The following GPHN variants were observed in gnomAD, a reference collection of about 807,000 sequenced individuals.
GPHN encodes gephyrin.
A neutral mutation model predicts 95.5 loss-of-function variants in GPHN; 17 were observed. The observed-to-expected ratio is 0.18, with a 90% confidence interval of 0.12 to 0.27. GPHN has a LOEUF of 0.27. Among genes scored for constraint, GPHN ranks in the 10% least tolerant of loss-of-function variants. GPHN has a pLI of 1.00. For missense variants in GPHN, 660 were observed against 978.1 expected (o/e 0.67, Z 4.34); for synonymous variants, 320 against 322.5 (o/e 0.99, Z 0.08).
At chr14:66,982,738 C>T (rs1040154832) in intron 9 of GPHN, among the ~76,000 whole-genome samples, 5 of 152,134 alleles carry the variant, frequency 3.3e-5, no homozygotes, top group Non-Finnish European at 7.4e-5. Context: ...CAATTATTTA[C>T]ATTCAATTCT....
intron 16 of GPHN, among the ~76,000 whole-genome samples, chr14:67,118,693 A>C (rs2078836966): frequency 6.6e-6 from 1 of 151,786 alleles, no homozygotes. Flanking sequence ...GCATCACTGC[A>C]CTCACTACAG....
Position 66,924,257 on chromosome 14 carries a change from C to G in GPHN, c.793C>G (p.Leu265Val), listed in dbSNP as rs1430992559. The change falls in exon 8 of 23, where the codon CTC (leucine) becomes GTC (valine). Residue 265 changes from leucine to valine, a missense_variant. By Grantham distance (32) the Leu-to-Val change is conservative (BLOSUM62 1). This residue lies in a region of GPHN where 190 missense variants were observed against 224.7 expected (regional missense o/e 0.85). Transcript: ENST00000478722. ...ACACGGTGAACAGCCCATCCCTGGT[C>G]TCATCAATTATTCCCATCATTCAAC... ...MAHGEQPIPG[L>V]INYSHHSTDE... 1 of 1,610,438 alleles carries G rather than the reference C, an allele frequency of 6.2e-7. No individual in the cohort carries two copies. The highest frequency in any genetic ancestry group is 8.5e-7 in the Non-Finnish European group (1 of 1,176,634).
the GPHN span, among the ~76,000 whole-genome samples, chr14:67,362,182 G>A: frequency 1.3e-5 from 2 of 151,792 alleles, no homozygotes; most frequent in South Asian, 4.2e-4. Context: ...ACCACACCCA[G>A]CTAATTTTGG....
intron 1 of GPHN, among the ~76,000 whole-genome samples, chr14:66,672,523 CAG>C (rs573221220): frequency 6.6e-6 from 1 of 152,228 alleles, no homozygotes; most frequent in South Asian, 2.1e-4. Context: ...CCAACTGTAA[CAG>C]GGGTTTCATC....
chr14:67,150,443 A>AC (rs1230947394), intron 18 of GPHN, among the ~76,000 whole-genome samples: 4 of 146,162 alleles, frequency 2.7e-5, no homozygotes, highest in African/African-American at 1.0e-4. Flanking sequence ...TCCGTCTCAA[A>AC]AAAAAAAAAC....
intron 8 of GPHN, among the ~76,000 whole-genome samples, chr14:66,927,435 T>C (rs1031830763): frequency 2.6e-5 from 4 of 152,172 alleles, no homozygotes; most frequent in African/African-American, 9.7e-5. Context: ...TTAGTTCTAA[T>C]GGTTTTTTGT....
intron 4 of GPHN, among the ~76,000 whole-genome samples, chr14:66,855,097 G>T (rs564998104): frequency 2.0e-5 from 3 of 152,026 alleles, no homozygotes; most frequent in Non-Finnish European, 4.4e-5. Context: ...TCTGCCCACC[G>T]CAGCCTCCCT....
intron 1 of GPHN, among the ~76,000 whole-genome samples, chr14:66,519,979 G>A (rs181989733): frequency 2.0e-5 from 3 of 152,240 alleles, no homozygotes; most frequent in Admixed American, 2.0e-4. Flanking sequence ...TGTCCGTAGA[G>A]TGTAAGCTCT....
intron 9 of GPHN, among the ~76,000 whole-genome samples, chr14:67,012,441 A>G (rs942923227): frequency 4.6e-5 from 7 of 152,136 alleles, no homozygotes; most frequent in African/African-American, 1.7e-4. Context: ...TGGAACCCTA[A>G]GTCTGAACAC....
At chr14:66,752,935 A>T (rs992812703) in intron 2 of GPHN, among the ~76,000 whole-genome samples, 23 of 75,190 alleles carry the variant, frequency 3.1e-4, no homozygotes, top group African/African-American at 4.4e-4. Context: ...AGGAGTGGTT[A>T]AAAAAAAAAA....
the GPHN span, among the ~76,000 whole-genome samples, chr14:67,492,835 G>A: frequency 6.6e-6 from 1 of 152,228 alleles, no homozygotes; most frequent in Admixed American, 6.5e-5. Flanking sequence ...GCCAGGTACT[G>A]TACCATGTGT....
chr14:67,384,972 A>AT, the GPHN span: 1 of 152,086 alleles, frequency 6.6e-6, no homozygotes, highest in Admixed American at 6.5e-5. Context: ...ACGCAGAGGA[A>AT]TTTTTTCTTT....
intron 1 of GPHN, among the ~76,000 whole-genome samples, chr14:66,680,511 G>T (rs1291289933): frequency 6.6e-6 from 1 of 152,102 alleles, no homozygotes; most frequent in East Asian, 1.9e-4. Context: ...TGTAATTTTG[G>T]ACTTCATCAG....
At chr14:67,324,887 C>A in the GPHN span, among the ~76,000 whole-genome samples, 1 of 148,124 alleles carries the variant, frequency 6.8e-6, no homozygotes, top group Non-Finnish European at 1.5e-5. Flanking sequence ...CCACGCCCAG[C>A]CTTCCTTTCA....
At chr14:66,660,315 T>TA (rs936187881) in intron 1 of GPHN, among the ~76,000 whole-genome samples, 1 of 152,222 alleles carries the variant, frequency 6.6e-6, no homozygotes, top group African/African-American at 2.4e-5. Flanking sequence ...TAGACAATGT[T>TA]ACAGTTTTTG....
intron 8 of GPHN, among the ~76,000 whole-genome samples, chr14:66,927,592 A>G (rs770433596): frequency 3.3e-5 from 5 of 152,140 alleles, no homozygotes; most frequent in Non-Finnish European, 7.4e-5. Context: ...TAACAGTGGT[A>G]AAAGTGAGCA....
At chr14:67,256,672 C>T in the GPHN span, among the ~76,000 whole-genome samples, 1 of 152,000 alleles carries the variant, frequency 6.6e-6, no homozygotes, top group Admixed American at 6.6e-5. Flanking sequence ...CTCAGCCTCC[C>T]AAGTAGCTGG....
At chr14:67,672,834 C>G in the GPHN span, among the ~76,000 whole-genome samples, 3 of 152,340 alleles carry the variant, frequency 2.0e-5, no homozygotes, top group African/African-American at 7.2e-5. Flanking sequence ...GAAAAAGGCA[C>G]AAGTCTTTCA....
chr14:67,587,570 A>C, the GPHN span: 16 of 294,584 alleles, frequency 5.4e-5, no homozygotes, highest in East Asian at 1.8e-4. Context: ...CTGCACTGGT[A>C]CTCTCAAGGA....
Sources: allele counts gnomAD v4.1 joint callset (sites outside exome capture counted in the v4.1 genomes callset), GRCh38; gene constraint gnomAD v4.1.1; regional missense constraint gnomAD v4.1.1; transcripts MANE v1.5; gene names NCBI Gene and HGNC (gene_info 2026-07-23, HGNC 2026-07-21).